The following SYNE1 variants were observed in gnomAD, a reference collection of about 807,000 sequenced individuals.
SYNE1 encodes nesprin-1.
In SYNE1, 616 loss-of-function variants were observed where a neutral mutation model predicts 1,111.0. The ratio of observed to expected loss-of-function variants is 0.55; its 90% CI spans 0.52 to 0.59. The LOEUF is 0.59. Among genes scored for constraint, SYNE1 ranks in the 20% least tolerant of loss-of-function variants. SYNE1 has a pLI of 0.00. For missense variants in SYNE1, 10,006 were observed against 10,417.0 expected, an observed-to-expected ratio of 0.96 and a Z score of 1.72; for synonymous variants, 3,855 against 3,825.8, an observed-to-expected ratio of 1.01 and a Z score of -0.28.
chr6:152,329,718 T>A lies in SYNE1; in HGVS notation c.14955+12A>T, dbSNP rs2096198483. 18 of 1,614,202 alleles carry A rather than the reference T, an allele frequency of 1.1e-5. No individual in the cohort carries two copies. Among genetic ancestry groups the A allele is most frequent in the Non-Finnish European group, 1.4e-5 (16 of 1,180,032 alleles). ...AGTGGAAAAAAGAGAAGTGAAGTCC[T>A]ATTATACCCACCTGTCTGGTGCGTA... On this transcript the variant is annotated intron_variant, in intron 78 of 145. Coordinates refer to ENST00000367255, the MANE Select transcript of SYNE1 (RefSeq NM_182961.4).
intron 2 of SYNE1, among the ~76,000 whole-genome samples, chr6:152,631,304 T>G (rs1161239307): frequency 6.6e-6 from 1 of 152,090 alleles, no homozygotes; most frequent in African/African-American, 2.4e-5. Flanking sequence ...GGCCTCAGCA[T>G]GAGAAACAGC....
At position 152,353,254 on chromosome 6, in the gene SYNE1, C is replaced by A; in HGVS notation, c.11253+9G>T. On this transcript the variant is annotated intron_variant, in intron 69 of 145. Coordinates refer to ENST00000367255, the MANE Select transcript of SYNE1 (RefSeq NM_182961.4). ...AGGTTGGATACAAATCTGAAGTATGCGTGCCTACCTCCAACGTCTTCAATT... is the reference window on the plus strand; with the variant it reads ...AGGTTGGATACAAATCTGAAGTATGAGTGCCTACCTCCAACGTCTTCAATT... 1 of 1,614,054 alleles carries A rather than the reference C, an allele frequency of 6.2e-7. No homozygotes were observed. The highest frequency in any genetic ancestry group is 8.5e-7 in the Non-Finnish European group (1 of 1,179,998).
chr6:152,237,235 T>C (rs2084349932), intron 108 of SYNE1, among the ~76,000 whole-genome samples: 1 of 151,838 alleles, frequency 6.6e-6, no homozygotes, highest in Non-Finnish European at 1.5e-5. Flanking sequence ...ATGGGGATAA[T>C]AATAGCTATC....
At chr6:152,172,479 C>G (rs564848992) in intron 130 of SYNE1, among the ~76,000 whole-genome samples, 1 of 152,228 alleles carries the variant, frequency 6.6e-6, no homozygotes, top group Non-Finnish European at 1.5e-5. Context: ...GTCCAGTTAC[C>G]CACTTCCCTG....
chr6:152,309,785 C>T, intron 90 of SYNE1, 50 bp downstream of exon 90: 1 of 1,606,870 alleles, frequency 6.2e-7, no homozygotes, highest in Non-Finnish European at 8.5e-7. Context: ...AGAAAAGAAG[C>T]CCATGATTCA....
chr6:152,350,745 T>G lies in SYNE1; in HGVS notation c.11606A>C (p.His3869Pro), dbSNP rs377203674. The change falls in exon 71 of 146, where the codon CAT (histidine) becomes CCT (proline). Residue 3869 changes from histidine to proline, a missense_variant. His to Pro is a moderately conservative substitution (Grantham distance 77). Coordinates refer to ENST00000367255, the MANE Select transcript of SYNE1 (RefSeq NM_182961.4). ...YKSLQQTVLS[H>P]EPSVKSVREK... ...TCTCACTGACTTTACTGATGGTTCA[T>G]GGGACAGCACCGTTTGTTGAAGTGA... The G allele has an allele frequency of 1.2e-6, 2 of 1,613,326 alleles. No individual in the cohort carries two copies. The highest frequency in any genetic ancestry group is 1.7e-5 in the Admixed American group (1 of 59,878).
chr6:152,149,670 T>G lies in SYNE1; in HGVS notation c.24451-2A>C. 1 of 1,613,542 alleles carries G rather than the reference T, an allele frequency of 6.2e-7. No homozygotes were observed. Among genetic ancestry groups the G allele is most frequent in the Non-Finnish European group, 8.5e-7 (1 of 1,179,586 alleles). Reference sequence around the variant, plus strand: ...CAGTGAAATTTCCTGCTGGAAGGCCTAGGGAGTACAAATCTCATGTGATTT... The same window carrying G: ...CAGTGAAATTTCCTGCTGGAAGGCCGAGGGAGTACAAATCTCATGTGATTT... On this transcript the variant is annotated splice_acceptor_variant, in intron 135 of 145. Transcript: ENST00000367255. LOFTEE classifies it high-confidence loss of function.
intron 4 of SYNE1, among the ~76,000 whole-genome samples, chr6:152,531,425 T>C (rs1594790667): frequency 6.6e-6 from 1 of 152,178 alleles, no homozygotes; most frequent in South Asian, 2.1e-4. Flanking sequence ...CAGTACTGTC[T>C]GTGGCTTCAG....
chr6:152,352,845 T>C (rs2096766389), intron 69 of SYNE1, among the ~76,000 whole-genome samples: 1 of 152,200 alleles, frequency 6.6e-6, no homozygotes, highest in African/African-American at 2.4e-5. Context: ...TCAATATAGG[T>C]TCTAAAAGTC....
chr6:152,195,284 C>A (rs1394334518), intron 127 of SYNE1, among the ~76,000 whole-genome samples: 2 of 152,170 alleles, frequency 1.3e-5, no homozygotes, highest in Non-Finnish European at 2.9e-5. Flanking sequence ...CAGAATTGGT[C>A]CCTGGTGTCT....
chr6:152,563,623 A>G (rs1208253188), intron 3 of SYNE1, among the ~76,000 whole-genome samples: 1 of 152,222 alleles, frequency 6.6e-6, no homozygotes, highest in Admixed American at 6.5e-5. Context: ...GCTGGAAAAA[A>G]TTTTAAAAAT....
chr6:152,586,301 G>C (rs1323766429), intron 3 of SYNE1, among the ~76,000 whole-genome samples: 2 of 151,980 alleles, frequency 1.3e-5, no homozygotes, highest in African/African-American at 4.8e-5. Flanking sequence ...CATCTTTATT[G>C]TGAGTTTTCT....
intron 3 of SYNE1, among the ~76,000 whole-genome samples, chr6:152,627,167 T>C (rs1380310139): frequency 2.0e-5 from 3 of 152,176 alleles, no homozygotes; most frequent in Non-Finnish European, 4.4e-5. Context: ...AATATATCGT[T>C]AGGATTCTAA....
At chr6:152,246,297 G>C (rs578004839) in intron 105 of SYNE1, among the ~76,000 whole-genome samples, 1 of 151,530 alleles carries the variant, frequency 6.6e-6, no homozygotes, top group Non-Finnish European at 1.5e-5. Context: ...ATAAAAGCAA[G>C]CTGGAGGAAA....
intron 89 of SYNE1, among the ~76,000 whole-genome samples, 179 bp from the exon 90 acceptor site, chr6:152,310,196 C>T (rs1399674252): frequency 6.6e-6 from 1 of 151,758 alleles, no homozygotes; most frequent in Non-Finnish European, 1.5e-5. Flanking sequence ...AACCCCAGCA[C>T]TTTGAGAGGC....
intron 130 of SYNE1, among the ~76,000 whole-genome samples, chr6:152,173,794 T>A (rs1034144909): frequency 1.3e-5 from 2 of 152,222 alleles, no homozygotes; most frequent in Non-Finnish European, 2.9e-5. Flanking sequence ...TGAGGCTTTA[T>A]GTAAGAGGAA....
chr6:152,465,559 T>C (rs2098759613), intron 17 of SYNE1, 99 bp from the exon 18 acceptor site: 1 of 1,069,604 alleles, frequency 9.3e-7, no homozygotes, highest in Admixed American at 2.0e-5. Flanking sequence ...ATAGTATCCA[T>C]CACAAATGCC....
At chr6:152,251,868 A>G (rs1453284895) in intron 104 of SYNE1, among the ~76,000 whole-genome samples, 1 of 112,348 alleles carries the variant, frequency 8.9e-6, no homozygotes, top group South Asian at 3.5e-4. Flanking sequence ...TTACAAACAT[A>G]AAATACATCA....
chr6:152,256,800 T>C, intron 101 of SYNE1, 35 bp from the exon 102 acceptor site: 1 of 1,610,824 alleles, frequency 6.2e-7, no homozygotes, highest in East Asian at 2.2e-5. Flanking sequence ...TTGAAGAGCA[T>C]ATGCATTATG....
Sources: allele counts gnomAD v4.1 joint callset (sites outside exome capture counted in the v4.1 genomes callset), GRCh38; gene constraint gnomAD v4.1.1; transcripts MANE v1.5; gene names NCBI Gene and HGNC (gene_info 2026-07-23, HGNC 2026-07-21).